NIPAL3: variants seen among roughly 807,000 people sequenced by gnomAD.
NIPAL3 encodes NIPA-like protein 3.
NIPAL3 carries 41 observed loss-of-function variants against 47.2 expected under a neutral mutation model. The observed-to-expected ratio is 0.87, with a 90% CI of 0.68 to 1.13. NIPAL3 has a LOEUF of 1.13. NIPAL3 is among the 50% of genes most tolerant of loss of function. NIPAL3 has a pLI of 0.00. For synonymous variants in NIPAL3, 194 were observed against 209.6 expected (o/e 0.93, Z 0.64); for missense variants, 449 against 530.1 (o/e 0.85, Z 1.50).
At chr1:24,459,543 G>A in intron 9 of NIPAL3, among the ~76,000 whole-genome samples, 1 of 152,162 alleles carries the variant, frequency 6.6e-6, no homozygotes, top group East Asian at 1.9e-4. Flanking sequence ...GGCATAATAG[G>A]TGACTAAAAT....
chr1:24,430,199 A>G (rs1423615964), intron 2 of NIPAL3, among the ~76,000 whole-genome samples: 3 of 152,148 alleles, frequency 2.0e-5, no homozygotes, highest in African/African-American at 7.2e-5. Context: ...AGTACCTGGA[A>G]TGGAAGGACT....
In NIPAL3 at chr1:24,416,208, C is replaced by A; in HGVS notation, c.-258+304C>A. The A allele has an allele frequency of 1.0e-6, 1 of 985,578 alleles. No individual in the cohort carries two copies. The highest frequency in any genetic ancestry group is 1.2e-6 in the Non-Finnish European group (1 of 830,128). 61.1% of individuals were successfully genotyped at this position (985,578 alleles called of 1,614,324 possible). ...GTGCCGAGCGGCTCGGGCTTCCTGG[C>A]GGCAGCAGATGGTGGAGTTAGCAGG... is the stretch of plus-strand genomic sequence containing the variant. On this transcript the variant is annotated intron_variant, in intron 1 of 11. Transcript: ENST00000374399. The surrounding 1 kb of genome is among the most constrained non-coding windows in gnomAD (Gnocchi z 4.8).
intron 9 of NIPAL3, 86 bp downstream of exon 9, chr1:24,459,062 CT>C: frequency 5.3e-6 from 6 of 1,142,306 alleles, no homozygotes; most frequent in Non-Finnish European, 7.9e-6. Flanking sequence ...ATTCTGCTGA[CT>C]TGTTCTCCCC....
chr1:24,437,953 G>A (rs572683402), intron 2 of NIPAL3, among the ~76,000 whole-genome samples: 2 of 152,330 alleles, frequency 1.3e-5, no homozygotes, highest in South Asian at 4.1e-4. Context: ...GCTGATGGCT[G>A]GATTCCAGGT....
intron 1 of NIPAL3, 49 bp downstream of exon 1, chr1:24,415,953 GT>G: frequency 2.1e-5 from 21 of 984,542 alleles, no homozygotes; most frequent in Non-Finnish European, 2.5e-5. Flanking sequence ...TTTAACCTTC[GT>G]TTTTTTCTGG....
At chr1:24,453,344 G>T in intron 6 of NIPAL3, 64 bp from the exon 7 acceptor site, 1 of 1,158,308 alleles carries the variant, frequency 8.6e-7, no homozygotes, top group Non-Finnish European at 1.3e-6. Flanking sequence ...CAGCCCACCA[G>T]GGTCTCCCGG....
At chr1:24,420,660 T>C (rs983221998) in intron 2 of NIPAL3, among the ~76,000 whole-genome samples, 1 of 152,232 alleles carries the variant, frequency 6.6e-6, no homozygotes, top group African/African-American at 2.4e-5. Flanking sequence ...ATCTTGGTTG[T>C]TTAACTTGAC....
At chr1:24,426,419 C>T (rs771245505) in intron 2 of NIPAL3, among the ~76,000 whole-genome samples, 1 of 152,056 alleles carries the variant, frequency 6.6e-6, no homozygotes, top group Non-Finnish European at 1.5e-5. Flanking sequence ...CTCAGCCTCC[C>T]GGGTAGCTGG....
At position 24,464,088 on chromosome 1, in the gene NIPAL3, T is replaced by G; in HGVS notation, c.989T>G (p.Phe330Cys). ...CGTAACAGGAAGAAGCCCATTCCAT[T>G]TGAGCCCTATATTTCCATGGATGCC... The part of the protein sequence containing the change: ...ITRNRKKPIP[F>C]EPYISMDAMP... The change falls in exon 11 of 12, where the codon TTT (phenylalanine) becomes TGT (cysteine). Residue 330 changes from phenylalanine to cysteine, a missense_variant. Transcript: ENST00000374399. 1.2e-6 allele frequency: 2 copies of G among 1,613,674 alleles called. No individual in the cohort carries two copies. Among genetic ancestry groups the G allele is most frequent in the Non-Finnish European group, 1.7e-6 (2 of 1,179,676 alleles).
intron 4 of NIPAL3, 139 bp downstream of exon 4, chr1:24,442,365 C>T: frequency 1.2e-6 from 1 of 835,218 alleles, no homozygotes. Flanking sequence ...GGGCTTCAGA[C>T]ACACCAGGCC....
At position 24,419,781 on chromosome 1, in the gene NIPAL3, G is replaced by GA. The variant is rs544145393; in HGVS notation, c.93+143dup. ...AGGCAGGCTCTTCACACAGACAAGGGAATGTGTAAGCAAAAGACAAGAGAT... is the reference window on the plus strand; with the variant it reads ...AGGCAGGCTCTTCACACAGACAAGGGAAATGTGTAAGCAAAAGACAAGAGAT... On this transcript the variant is annotated intron_variant, in intron 2 of 11. Coordinates refer to ENST00000374399, the MANE Select transcript of NIPAL3 (RefSeq NM_020448.5). The GA allele has an allele frequency of 2.2e-3, 1,578 of 720,360 alleles. 21 individuals carry two copies. The highest frequency in any genetic ancestry group is 1.9e-3 in the South Asian group (107 of 56,154). The allele number at this position is 720,360 out of a possible 1,614,324, so 44.6% of individuals were successfully genotyped here. A position where few individuals can be genotyped will look rare whatever the true frequency, so the allele number is the denominator to read the frequency against.
intron 4 of NIPAL3, among the ~76,000 whole-genome samples, chr1:24,442,485 A>C (rs1435444449): frequency 6.6e-6 from 1 of 152,188 alleles, no homozygotes; most frequent in Non-Finnish European, 1.5e-5. Context: ...CGGGGTAATG[A>C]AATTACTTTC....
intron 10 of NIPAL3, among the ~76,000 whole-genome samples, chr1:24,462,710 T>G (rs1001712255): frequency 1.3e-5 from 2 of 152,042 alleles, no homozygotes; most frequent in Non-Finnish European, 2.9e-5. Flanking sequence ...GAGGTTGCAG[T>G]GAGCCAAGAT....
At chr1:24,440,967 AT>A (rs1645355582) in intron 3 of NIPAL3, among the ~76,000 whole-genome samples, 1 of 152,170 alleles carries the variant, frequency 6.6e-6, no homozygotes, top group African/African-American at 2.4e-5. Flanking sequence ...TGCACCTTTC[AT>A]CTCTGTTCCC....
chr1:24,422,800 G>A (rs1644392408), intron 2 of NIPAL3, among the ~76,000 whole-genome samples: 1 of 152,350 alleles, frequency 6.6e-6, no homozygotes, highest in South Asian at 2.1e-4. Context: ...ATCCTTGGAG[G>A]TGTCCACGTG....
rs1570287134 is a variant in NIPAL3 at position 24,442,159 on chromosome 1, T to C, written c.267T>C (p.Gly89=). 7 of 1,613,950 alleles carry C rather than the reference T, an allele frequency of 4.3e-6. No homozygotes were observed. In the Admixed American group the frequency reaches 6.7e-5, roughly 15 times the overall value. ...GLFLMLLGEL[G]VFASYAFAPL... ...TCCTGATGCTTCTGGGCGAGCTGGGTGTGTTCGCCTCCTACGCCTTCGCGC... is the reference window on the plus strand; with the variant it reads ...TCCTGATGCTTCTGGGCGAGCTGGGCGTGTTCGCCTCCTACGCCTTCGCGC... The change falls in exon 4 of 12, where the codon GGT becomes GGC. Residue 89 remains glycine, a synonymous_variant. Coordinates refer to ENST00000374399, the MANE Select transcript of NIPAL3 (RefSeq NM_020448.5).
At chr1:24,436,442 C>T (rs1447104668) in intron 2 of NIPAL3, among the ~76,000 whole-genome samples, 1 of 151,750 alleles carries the variant, frequency 6.6e-6, no homozygotes, top group Non-Finnish European at 1.5e-5. Context: ...CCCAACTTTT[C>T]TAGCTTGTCT....
chr1:24,455,785 G>A (rs1024609989), intron 7 of NIPAL3, among the ~76,000 whole-genome samples: 2 of 152,224 alleles, frequency 1.3e-5, no homozygotes, highest in Non-Finnish European at 2.9e-5. Context: ...TGGTAAGTTC[G>A]TTGATCCACT....
chr1:24,427,178 C>T (rs754976679), intron 2 of NIPAL3, among the ~76,000 whole-genome samples: 145 of 152,284 alleles, frequency 9.5e-4, no homozygotes, highest in Non-Finnish European at 1.5e-3. Context: ...ACTGGGCACC[C>T]GCATTTATGG....
Sources: allele counts gnomAD v4.1 joint callset (sites outside exome capture counted in the v4.1 genomes callset), GRCh38; gene constraint gnomAD v4.1.1; non-coding constraint Gnocchi (gnomAD v3.1); transcripts MANE v1.5; gene names NCBI Gene and HGNC (gene_info 2026-07-23, HGNC 2026-07-21).